EBF4: variants seen among roughly 807,000 people sequenced by gnomAD.
EBF4 encodes transcription factor COE4.
Under a neutral mutation model 67.1 loss-of-function variants are expected in EBF4, and 34 were observed. The observed-to-expected ratio is 0.51, with a 90% CI of 0.39 to 0.67. The LOEUF is 0.67. EBF4 is among the 30% of genes least tolerant of loss of function. The pLI is 0.00. For synonymous variants in EBF4, 387 were observed against 377.7 expected (o/e 1.02, Z -0.29); for missense variants, 837 against 873.3 (o/e 0.96, Z 0.52).
chr20:2,738,491 G>A (rs2146467467), intron 6 of EBF4, among the ~76,000 whole-genome samples: 1 of 152,260 alleles, frequency 6.6e-6, no homozygotes, highest in South Asian at 2.1e-4. Context: ...GGGTGCATGT[G>A]TACATCTGTG....
rs1444538561 is a variant in EBF4, at chr20:2,707,961, G to A, written c.429G>A (p.Glu143=). ...CCTCTCCCCAGGCCATCATCTATGA[G>A]GGGCAGGACAAGAACCCCGAAATGT... Residue 143 remains glutamate (E), a synonymous_variant, in exon 5 of 17, where the codon GAG becomes GAA. Transcript: ENST00000609451. This position sits in a 1 kb window ranked among gnomAD's most constrained non-coding sequence, Gnocchi z 4.6. 8 of 1,603,760 alleles carry A rather than the reference G, an allele frequency of 5.0e-6. No individual in the cohort carries two copies. Among genetic ancestry groups the A allele is most frequent in the Non-Finnish European group, 5.1e-6 (6 of 1,174,780 alleles).
At chr20:2,697,486 A>G (rs2087311406) in intron 1 of EBF4, among the ~76,000 whole-genome samples, 1 of 151,790 alleles carries the variant, frequency 6.6e-6, no homozygotes. Flanking sequence ...CGGAGCTTGC[A>G]GTGAGCCGAG....
At chr20:2,704,124 A>G (rs1013563292) in intron 1 of EBF4, among the ~76,000 whole-genome samples, 3 of 152,290 alleles carry the variant, frequency 2.0e-5, no homozygotes, top group African/African-American at 2.4e-5. Flanking sequence ...TACTCCTGCC[A>G]TAGTCTATTG....
At chr20:2,718,751 T>C (rs2087642088) in intron 6 of EBF4, among the ~76,000 whole-genome samples, 1 of 152,202 alleles carries the variant, frequency 6.6e-6, no homozygotes, top group South Asian at 2.1e-4. Flanking sequence ...TGATTTTCTC[T>C]ATCATTTTTC....
intron 6 of EBF4, among the ~76,000 whole-genome samples, chr20:2,727,730 T>C (rs2087764155): frequency 1.3e-5 from 2 of 152,234 alleles, no homozygotes; most frequent in Admixed American, 1.3e-4. Context: ...TTGCCAACAC[T>C]TATCATCTTT....
At chr20:2,706,354 C>G (rs2146386350) in intron 4 of EBF4, 90 bp downstream of exon 4, 5 of 1,423,084 alleles carry the variant, frequency 3.5e-6, no homozygotes, top group Non-Finnish European at 4.8e-6. Context: ...TTGTTCCTGC[C>G]CTCATCTCCC....
At chr20:2,752,362 G>C in exon 14 of EBF4, 5 of 1,221,146 alleles carry the variant, frequency 4.1e-6, no homozygotes, top group Non-Finnish European at 5.1e-6. Flanking sequence ...CGCAGGCTAC[G>C]CGCGCAGCTG....
chr20:2,726,668 T>C (rs534740350), intron 6 of EBF4, among the ~76,000 whole-genome samples: 1 of 152,284 alleles, frequency 6.6e-6, no homozygotes, highest in African/African-American at 2.4e-5. Context: ...TTTCCCCCAT[T>C]ACTCTTATAT....
chr20:2,720,310 C>T (rs1042731287), intron 6 of EBF4, among the ~76,000 whole-genome samples: 2 of 152,126 alleles, frequency 1.3e-5, no homozygotes, highest in African/African-American at 4.8e-5. Context: ...GTTGGCCAGG[C>T]TGGTCTCGAA....
At position 2,709,645 on chromosome 20, in the gene EBF4, A is replaced by T; in HGVS notation, c.557+3A>T. ...TCAGACCCCGTCATCATTGACAGGTACAGGCTCAGGGAGGGGGCCTGGAAG... is the reference window on the plus strand; with the variant it reads ...TCAGACCCCGTCATCATTGACAGGTTCAGGCTCAGGGAGGGGGCCTGGAAG... On this transcript the variant is annotated splice_donor_region_variant and intron_variant, in intron 6 of 16. Transcript: ENST00000609451. 6.5e-7 allele frequency: 1 copy of T among 1,545,766 alleles called. No individual in the cohort carries two copies.
At chr20:2,698,091 G>A (rs1038719475) in intron 1 of EBF4, among the ~76,000 whole-genome samples, 1 of 152,200 alleles carries the variant, frequency 6.6e-6, no homozygotes, top group African/African-American at 2.4e-5. Flanking sequence ...CAGTGGAGTG[G>A]GGAGTCTTTA....
intron 6 of EBF4, among the ~76,000 whole-genome samples, chr20:2,710,799 C>G (rs1341582056): frequency 6.6e-6 from 1 of 152,122 alleles, no homozygotes; most frequent in East Asian, 1.9e-4. Context: ...GCATATACAA[C>G]AAAATAGTTA....
Position 2,751,864 on chromosome 20 carries a change from C to A in EBF4, c.1108-58C>A. The A allele has an allele frequency of 1.3e-6, 2 of 1,548,472 alleles. No individual in the cohort carries two copies. Among genetic ancestry groups the A allele is most frequent in the South Asian group, 1.2e-5 (1 of 83,990 alleles). On this transcript the variant is annotated intron_variant, in intron 11 of 16. Coordinates refer to ENST00000609451, the Ensembl canonical transcript of EBF4. The surrounding 1 kb of genome is among the most constrained non-coding windows in gnomAD (Gnocchi z 5.2). ...GGGGTGAGGAGGGGCTCCCGAGGGC[C>A]CCTTGGTCGCCCCCAGGGGCTGCCC...
intron 6 of EBF4, among the ~76,000 whole-genome samples, chr20:2,720,722 A>G (rs577624269): frequency 4.6e-5 from 7 of 152,218 alleles, no homozygotes; most frequent in African/African-American, 1.7e-4. Context: ...TATTTTATCT[A>G]TTTATCCATG....
Position 2,745,454 on chromosome 20 carries a change from C to A in EBF4, c.558-3095C>A, listed in dbSNP as rs762682374. 5.9e-5 allele frequency among the ~76,000 whole-genome samples: 9 copies of A among 152,212 alleles called. No individual in the cohort carries two copies. Among genetic ancestry groups the A allele is most frequent in the Non-Finnish European group, 8.8e-5 (6 of 68,024 alleles). ...GCAGGTAATGCTAGCCAGGCTCAAA[C>A]ACTGAGGTGTCCCCATAGACAGAGG... On this transcript the variant is annotated intron_variant, in intron 6 of 16. Coordinates refer to ENST00000609451, the Ensembl canonical transcript of EBF4. The surrounding 1 kb of genome is among the most constrained non-coding windows in gnomAD (Gnocchi z 5.2).
intron 5 of EBF4, among the ~76,000 whole-genome samples, 156 bp downstream of exon 5, chr20:2,708,176 C>T (rs2087486638): frequency 6.6e-6 from 1 of 152,206 alleles, no homozygotes; most frequent in African/African-American, 2.4e-5. Flanking sequence ...AGTGGTGAGG[C>T]CCCTGGGCAC....
chr20:2,705,921 G>C, intron 2 of EBF4, 53 bp from the exon 3 acceptor site: 1 of 1,532,990 alleles, frequency 6.5e-7, no homozygotes. Flanking sequence ...GGTGGACAAG[G>C]GAGGCTGGAG....
At chr20:2,750,514 C>T (rs991328401) in intron 10 of EBF4, among the ~76,000 whole-genome samples, 1 of 151,996 alleles carries the variant, frequency 6.6e-6, no homozygotes, top group Non-Finnish European at 1.5e-5. Flanking sequence ...CAGCCTGGCT[C>T]TATTTGGCCG....
chr20:2,693,676 A>C lies in EBF4; in HGVS notation c.31A>C (p.Ser11Arg), dbSNP rs1486225767. 2 of 1,443,896 alleles carry C rather than the reference A, an allele frequency of 1.4e-6. No homozygotes were observed. The highest frequency in any genetic ancestry group is 3.0e-5 in the East Asian group (1 of 33,086). The allele number at this position is 1,443,896 out of a possible 1,614,324, so 89.4% of individuals were successfully genotyped here. A position where few individuals can be genotyped will look rare whatever the true frequency, so the allele number is the denominator to read the frequency against. The change falls in exon 1 of 17, where the codon AGC becomes CGC. Residue 11 changes from serine to arginine, a missense_variant. Ser to Arg is a moderately radical substitution (Grantham distance 110). Coordinates refer to ENST00000609451, the Ensembl canonical transcript of EBF4. The surrounding 1 kb of genome is among the most constrained non-coding windows in gnomAD (Gnocchi z 4.6). ...CCCTGCGCAGGACGCTCTGCCCCGC[A>C]GCGGGCTGAACCTGAAGGAGGAGCC...
Sources: gnomAD v4.1 joint callset for allele counts (sites outside exome capture counted in the v4.1 genomes callset) on GRCh38, gnomAD v4.1.1 for gene constraint, Gnocchi (gnomAD v3.1) non-coding constraint, MANE v1.5 for transcripts, NCBI Gene and HGNC (gene_info 2026-07-23, HGNC 2026-07-21) for gene names.